Variants in TRHDE observed in about 807,000 individuals in gnomAD.
TRHDE encodes thyrotropin releasing hormone degrading enzyme.
Under a neutral mutation model 125.7 loss-of-function variants are expected in TRHDE, and 72 were observed. The observed-to-expected ratio is 0.57, with a 90% CI of 0.47 to 0.70. The LOEUF (loss-of-function observed/expected upper bound fraction) is 0.70, where lower values mean the gene tolerates loss of function less well. TRHDE is among the 30% of genes least tolerant of loss of function. TRHDE has a pLI of 0.00. For missense variants in TRHDE, 1,110 were observed against 1,327.1 expected (o/e 0.84, Z 2.54); for synonymous variants, 509 against 509.1 (o/e 1.00, Z 0.00).
At chr12:72,464,369 C>T (rs1037796981) in intron 3 of TRHDE, among the ~76,000 whole-genome samples, 11 of 152,230 alleles carry the variant, frequency 7.2e-5, no homozygotes, top group African/African-American at 1.9e-4. Flanking sequence ...GTCCAAGATA[C>T]GGCACAGGCA....
chr12:72,432,284 G>C (rs939996997), intron 3 of TRHDE, among the ~76,000 whole-genome samples: 11 of 152,150 alleles, frequency 7.2e-5, no homozygotes, highest in African/African-American at 2.7e-4. Context: ...ACAGCCCCAA[G>C]AAGCTGGAGC....
At chr12:72,322,293 G>T (rs1238043828) in intron 2 of TRHDE, among the ~76,000 whole-genome samples, 2 of 151,966 alleles carry the variant, frequency 1.3e-5, no homozygotes, top group African/African-American at 2.4e-5. Flanking sequence ...CTTGCATTTT[G>T]CAGGGACTCT....
intron 2 of TRHDE, among the ~76,000 whole-genome samples, chr12:72,162,070 A>G (rs1471583337): frequency 6.6e-6 from 1 of 152,236 alleles, no homozygotes; most frequent in East Asian, 1.9e-4. Flanking sequence ...TAGGACAGAG[A>G]GAAAGTATGG....
At chr12:72,315,992 C>T (rs931398011) in intron 2 of TRHDE, among the ~76,000 whole-genome samples, 1 of 152,018 alleles carries the variant, frequency 6.6e-6, no homozygotes, top group African/African-American at 2.4e-5. Context: ...TGTGTTGTGC[C>T]AGCTGCGGAT....
At chr12:72,445,442 A>T (rs1226702888) in intron 3 of TRHDE, among the ~76,000 whole-genome samples, 1 of 151,872 alleles carries the variant, frequency 6.6e-6, no homozygotes, top group Non-Finnish European at 1.5e-5. Context: ...AGACACTCCC[A>T]ACCTGTTTCA....
chr12:72,253,734 GTTTTT>G, intron 2 of TRHDE: 1 of 152,120 alleles, frequency 6.6e-6, no homozygotes, highest in Admixed American at 6.6e-5. Context: ...CTTGCTGAGA[GTTTTT>G]AATTACAAAT....
intron 18 of TRHDE, among the ~76,000 whole-genome samples, chr12:72,657,824 G>A (rs538493828): frequency 2.0e-5 from 3 of 152,178 alleles, no homozygotes; most frequent in African/African-American, 7.2e-5. Context: ...ACAATGGATC[G>A]CACTTCAAAC....
intron 3 of TRHDE, among the ~76,000 whole-genome samples, chr12:72,413,668 C>T (rs1015256591): frequency 6.6e-6 from 1 of 151,894 alleles, no homozygotes; most frequent in African/African-American, 2.4e-5. Flanking sequence ...TTGCCAAAAA[C>T]TAATCTATTA....
intron 2 of TRHDE, among the ~76,000 whole-genome samples, chr12:72,307,619 G>A (rs1217899556): frequency 2.6e-5 from 4 of 152,090 alleles, no homozygotes; most frequent in Admixed American, 1.3e-4. Context: ...ATATTTTGAA[G>A]GGAGAACTTC....
chr12:72,633,406 A>G (rs1395655455), intron 15 of TRHDE, among the ~76,000 whole-genome samples: 1 of 152,080 alleles, frequency 6.6e-6, no homozygotes, highest in Non-Finnish European at 1.5e-5. Flanking sequence ...AGGTTTCTCC[A>G]ATGCTATTCT....
At chr12:72,128,000 T>G (rs538372065) in intron 2 of TRHDE, among the ~76,000 whole-genome samples, 3 of 151,974 alleles carry the variant, frequency 2.0e-5, no homozygotes, top group African/African-American at 7.2e-5. Context: ...AACAGAGTAT[T>G]AGGAGTGAGC....
At chr12:72,270,238 A>C (rs1157345742), upstream of TRHDE, among the ~76,000 whole-genome samples, 1 of 151,978 alleles carries the variant, frequency 6.6e-6, no homozygotes, top group Non-Finnish European at 1.5e-5. Context: ...ACTTGAACAG[A>C]ATGTGGCATT....
At chr12:72,485,083 T>A (rs948201625) in intron 5 of TRHDE, among the ~76,000 whole-genome samples, 5 of 152,086 alleles carry the variant, frequency 3.3e-5, no homozygotes, top group Non-Finnish European at 5.9e-5. Context: ...ATCACCACCA[T>A]GGATGCTGCA....
At chr12:72,151,564 AT>A (rs1157282687) in intron 2 of TRHDE, among the ~76,000 whole-genome samples, 1 of 151,728 alleles carries the variant, frequency 6.6e-6, no homozygotes, top group Non-Finnish European at 1.5e-5. Flanking sequence ...TCTTGAATTA[AT>A]TTTTGTATAA....
At chr12:72,446,859 C>T (rs1051325844) in intron 3 of TRHDE, among the ~76,000 whole-genome samples, 2 of 152,240 alleles carry the variant, frequency 1.3e-5, no homozygotes, top group East Asian at 3.9e-4. Context: ...CACCCAGATT[C>T]ATAAAGCAAG....
At chr12:72,279,155 G>T (rs192823054) in intron 1 of TRHDE, among the ~76,000 whole-genome samples, 153 of 152,186 alleles carry the variant, frequency 1.0e-3, no homozygotes, top group Non-Finnish European at 1.3e-3. Context: ...ATGTGGATGG[G>T]CTTGAGCAAA....
Position 72,649,214 on chromosome 12 carries a change from T to C in TRHDE, c.2676-3108T>C, listed in dbSNP as rs1241594319. On this transcript the variant is annotated intron_variant, in intron 15 of 18. Coordinates refer to ENST00000261180, the MANE Select transcript of TRHDE (RefSeq NM_013381.3). ...CAACATATACACCAATTAAACAGAA[T>C]ATAAAGCCAAAAATAAATTCACAAA... Among the ~76,000 whole-genome samples the C allele has an allele frequency of 2.0e-5, 3 of 151,682 alleles. No homozygotes were observed. In the East Asian group the frequency reaches 5.8e-4, roughly 29 times the overall value.
intron 15 of TRHDE, among the ~76,000 whole-genome samples, chr12:72,637,448 A>G (rs1268165780): frequency 2.0e-5 from 3 of 152,134 alleles, no homozygotes; most frequent in African/African-American, 7.2e-5. Flanking sequence ...TCCTTTCAAA[A>G]AACCAGCTCC....
intron 15 of TRHDE, among the ~76,000 whole-genome samples, chr12:72,637,340 G>A (rs1190946189): frequency 6.6e-6 from 1 of 152,078 alleles, no homozygotes; most frequent in East Asian, 1.9e-4. Context: ...CTGTGGGATT[G>A]GTGGTGATAT....
Sources: allele counts gnomAD v4.1 joint callset (sites outside exome capture counted in the v4.1 genomes callset), GRCh38; gene constraint gnomAD v4.1.1; transcripts MANE v1.5; gene names NCBI Gene and HGNC (gene_info 2026-07-23, HGNC 2026-07-21).